MYO5B: variants seen among roughly 807,000 people sequenced by gnomAD.
MYO5B encodes the protein unconventional myosin-Vb.
Under a neutral mutation model 229.3 loss-of-function variants are expected in MYO5B, and 143 were observed. The ratio of observed to expected loss-of-function variants is 0.62; its 90% CI spans 0.54 to 0.72. The LOEUF is 0.72. Ranked by LOEUF, MYO5B falls within the 30% of genes least tolerant of loss-of-function variation. MYO5B has a pLI of 0.00. For synonymous variants in MYO5B, 918 were observed against 885.2 expected (o/e 1.04, Z -0.66); for missense variants, 2,321 against 2,331.0 (o/e 1.00, Z 0.09).
intron 14 of MYO5B, among the ~76,000 whole-genome samples, chr18:49,943,804 G>A (rs1330235186): frequency 1.3e-5 from 2 of 152,164 alleles, no homozygotes; most frequent in Admixed American, 6.5e-5. Flanking sequence ...ATAATGACAA[G>A]AAGATGAATA....
chr18:49,920,287 A>C (rs1191731765), intron 17 of MYO5B, among the ~76,000 whole-genome samples: 1 of 152,192 alleles, frequency 6.6e-6, no homozygotes, highest in East Asian at 1.9e-4. Context: ...AAAGGGGTGA[A>C]TTTTATAGTA....
At position 49,872,152 on chromosome 18, in the gene MYO5B, C is replaced by T. The variant is rs777097259; in HGVS notation, c.3603+15G>A. On this transcript the variant is annotated intron_variant, in intron 27 of 39. Transcript: ENST00000285039. ...AGGGGAGTGTTCCAGGAAGCCTGTC[C>T]CCCAAGAATCTTACCTTCAGACTAT... 6.2e-7 allele frequency: 1 copy of T among 1,613,336 alleles called. No individual in the cohort carries two copies. The highest frequency in any genetic ancestry group is 1.1e-5 in the South Asian group (1 of 91,050).
At chr18:49,880,662 T>C (rs1024475905) in intron 22 of MYO5B, among the ~76,000 whole-genome samples, 3 of 152,220 alleles carry the variant, frequency 2.0e-5, no homozygotes, top group Non-Finnish European at 4.4e-5. Flanking sequence ...GCACTATTTA[T>C]GGTCATCTAA....
intron 1 of MYO5B, among the ~76,000 whole-genome samples, chr18:50,073,759 C>T (rs1486639155): frequency 6.6e-6 from 1 of 152,136 alleles, no homozygotes; most frequent in African/African-American, 2.4e-5. Context: ...CTGTTTATTT[C>T]CTAGTCTTTC....
intron 33 of MYO5B, 86 bp downstream of exon 33, chr18:49,847,060 G>C (rs2024137318): frequency 6.4e-7 from 1 of 1,555,468 alleles, no homozygotes; most frequent in African/African-American, 1.4e-5. Context: ...GTGAAGGAAG[G>C]GGTGTGGGGG....
chr18:49,979,510 A>G (rs1169711521), intron 9 of MYO5B, among the ~76,000 whole-genome samples: 1 of 152,198 alleles, frequency 6.6e-6, no homozygotes, highest in African/African-American at 2.4e-5. Flanking sequence ...GGCCAGTTTG[A>G]ACTTCTCATA....
rs115797954 is a variant in MYO5B at position 49,890,916 on chromosome 18, C to A, written c.3045+4025G>T. Among the ~76,000 whole-genome samples the A allele has an allele frequency of 2.9e-3, 435 of 152,302 alleles. 4 individuals carry two copies. The highest frequency in any genetic ancestry group is 0.01 in the African/African-American group (424 of 41,558). On this transcript the variant is annotated intron_variant, in intron 22 of 39. Coordinates refer to ENST00000285039, the MANE Select transcript of MYO5B (RefSeq NM_001080467.3). ...AATCAACATCCCTTGGATAGTAAGA[C>A]AACTTTGAAACAATGGCTAAAATAT...
chr18:49,995,491 C>G (rs544945869), intron 5 of MYO5B, among the ~76,000 whole-genome samples: 30 of 151,956 alleles, frequency 2.0e-4, no homozygotes, highest in African/African-American at 7.2e-4. Context: ...GATCTCCTGA[C>G]CTCGTGACCC....
rs1226025421 is a variant in MYO5B at position 50,168,636 on chromosome 18, G to A, written c.27+26131C>T. Among the ~76,000 whole-genome samples the A allele has an allele frequency of 3.2e-5, 2 of 62,644 alleles. 1 individual carries two copies. The highest frequency in any genetic ancestry group is 1.2e-4 in the African/African-American group (2 of 16,096). The allele number at this position is 62,644 out of a possible 152,430, so 41.1% of individuals were successfully genotyped here. A position where few individuals can be genotyped will look rare whatever the true frequency, so the allele number is the denominator to read the frequency against. On this transcript the variant is annotated intron_variant, in intron 1 of 39. Transcript: ENST00000285039. Reference sequence around the variant, plus strand: ...CCCTCCCCACTAGACCCCCACCACTGTTCCAACCCTGTGTGAATCTCAGAC... The same window carrying A: ...CCCTCCCCACTAGACCCCCACCACTATTCCAACCCTGTGTGAATCTCAGAC...
At chr18:49,844,664 ATGGCTGTGGATTGGCCAT>A (rs1419738551) in intron 33 of MYO5B, among the ~76,000 whole-genome samples, 1 of 152,236 alleles carries the variant, frequency 6.6e-6, no homozygotes, top group Non-Finnish European at 1.5e-5. Flanking sequence ...GGTCCAGCAG[ATGGCTGTGGATTGGCCAT>A]TGGCTCTAGT....
Position 49,832,872 on chromosome 18 carries a change from G to A in MYO5B, c.5394+2472C>T, listed in dbSNP as rs116750837. Among the ~76,000 whole-genome samples, 936 of 152,304 alleles carry A rather than the reference G, an allele frequency of 6.1e-3. 12 individuals carry two copies. The highest frequency in any genetic ancestry group is 0.021 in the African/African-American group (891 of 41,544). On this transcript the variant is annotated intron_variant, in intron 39 of 39. Transcript: ENST00000285039. ...CAAGGTACTCAATGATGGCTCTGGT[G>A]TGGCCTGGCAGAATGATTCTCTGGG...
In MYO5B at chr18:49,824,876, T is replaced by C. The variant is rs1213236920; in HGVS notation, c.*1595A>G. On this transcript the variant is annotated 3_prime_UTR_variant, in exon 40 of 40. Transcript: ENST00000285039. ...CCCATGACAACTGATTGGAACACAA[T>C]GTCAGCAGCCTTAACCCAGGCTAAG... 6.6e-6 allele frequency: 1 copy of C among 152,168 alleles called. No individual in the cohort carries two copies. Among genetic ancestry groups the C allele is most frequent in the Non-Finnish European group, 1.5e-5 (1 of 68,036 alleles). The allele number at this position is 152,168 out of a possible 1,614,324, so 9.4% of individuals were successfully genotyped here.
chr18:49,878,214 A>G (rs1335151217), intron 24 of MYO5B, among the ~76,000 whole-genome samples: 1 of 152,208 alleles, frequency 6.6e-6, no homozygotes, highest in African/African-American at 2.4e-5. Flanking sequence ...CTCCCTTGAA[A>G]GGAATGTTCC....
intron 9 of MYO5B, among the ~76,000 whole-genome samples, chr18:49,978,540 C>G (rs1267639743): frequency 6.6e-6 from 1 of 152,064 alleles, no homozygotes; most frequent in African/African-American, 2.4e-5. Flanking sequence ...CCCCTGAGGC[C>G]TGGAGAGCCT....
At chr18:49,850,964 C>T (rs896890830) in intron 31 of MYO5B, 1 of 152,328 alleles carries the variant, frequency 6.6e-6, no homozygotes, top group Non-Finnish European at 1.5e-5. Flanking sequence ...TGGATCGGGA[C>T]CAGGACGCTG....
chr18:50,063,168 G>A (rs1323435376), intron 1 of MYO5B, among the ~76,000 whole-genome samples: 1 of 152,136 alleles, frequency 6.6e-6, no homozygotes, highest in African/African-American at 2.4e-5. Context: ...GAACAGAGAA[G>A]CTCAGCGCTT....
At chr18:50,000,499 G>A (rs1455810448) in intron 5 of MYO5B, among the ~76,000 whole-genome samples, 2 of 152,192 alleles carry the variant, frequency 1.3e-5, no homozygotes, top group African/African-American at 2.4e-5. Flanking sequence ...CAGGGACTAC[G>A]AGGCCATTTC....
At chr18:49,878,532 TA>T (rs1193892540) in intron 24 of MYO5B, among the ~76,000 whole-genome samples, 1 of 152,112 alleles carries the variant, frequency 6.6e-6, no homozygotes, top group Non-Finnish European at 1.5e-5. Context: ...TAAAATATCA[TA>T]AAATTGTCTC....
chr18:49,901,398 G>A (rs758489321), intron 21 of MYO5B, among the ~76,000 whole-genome samples: 30 of 152,316 alleles, frequency 2.0e-4, no homozygotes, highest in Non-Finnish European at 3.4e-4. Flanking sequence ...CTTGTACTAC[G>A]TTGTACGGTA....
Sources: allele counts gnomAD v4.1 joint callset (sites outside exome capture counted in the v4.1 genomes callset), GRCh38; gene constraint gnomAD v4.1.1; transcripts MANE v1.5; gene names NCBI Gene and HGNC (gene_info 2026-07-23, HGNC 2026-07-21).